ACYP1: variants seen among roughly 807,000 people sequenced by gnomAD.
ACYP1 encodes acylphosphatase-1.
In ACYP1, 8 loss-of-function variants were observed where a neutral mutation model predicts 10.4. The ratio of observed to expected loss-of-function variants is 0.77; its 90% confidence interval spans 0.45 to 1.38. ACYP1 has a LOEUF of 1.38. Ranked by LOEUF, ACYP1 falls within the 40% of genes most tolerant of loss-of-function variation. The probability of loss-of-function intolerance (pLI) is 0.00; values close to 1 mark genes in which losing one functional copy is unlikely to be tolerated. For missense variants in ACYP1, 93 were observed against 117.3 expected (o/e 0.79, Z 0.96); for synonymous variants, 38 against 40.8 (o/e 0.93, Z 0.26).
At chr14:75,054,732 T>G (rs1414939887) in intron 2 of ACYP1, among the ~76,000 whole-genome samples, 2 of 151,510 alleles carry the variant, frequency 1.3e-5, no homozygotes, top group Non-Finnish European at 2.9e-5. Context: ...GTTTGCTTAA[T>G]GAACAAAACA....
At position 75,063,476 on chromosome 14, in the gene ACYP1, A is replaced by G; in HGVS notation, c.78T>C (p.His26=). The G allele has an allele frequency of 6.2e-7, 1 of 1,613,638 alleles. No homozygotes were observed. Among genetic ancestry groups the G allele is most frequent in the Non-Finnish European group, 8.5e-7 (1 of 1,179,706 alleles). The change falls in exon 2 of 3, where the codon CAT becomes CAC. Residue 26 remains histidine, a synonymous_variant. Coordinates refer to ENST00000238618, the MANE Select transcript of ACYP1 (RefSeq NM_001107.5). The stretch of plus-strand genomic sequence containing the variant: ...AAGCCTGCAGGCCACATACCTGAGT[A>G]TGCTTACGGAAAAACACCCCTTGCA... The part of the protein sequence containing the change: ...GKVQGVFFRK[H]TQAEGKKLGL...
chr14:75,061,311 C>A (rs1893010470), intron 2 of ACYP1, among the ~76,000 whole-genome samples: 1 of 152,072 alleles, frequency 6.6e-6, no homozygotes. Context: ...AAATTATATT[C>A]CAAGTTTTCA....
At chr14:75,060,728 A>G (rs1481781404) in intron 2 of ACYP1, among the ~76,000 whole-genome samples, 1 of 152,222 alleles carries the variant, frequency 6.6e-6, no homozygotes, top group African/African-American at 2.4e-5. Context: ...GAAAGGAGCC[A>G]GTCACAAAAA....
At chr14:75,054,106 A>C (rs1892816656) in intron 2 of ACYP1, among the ~76,000 whole-genome samples, 1 of 152,214 alleles carries the variant, frequency 6.6e-6, no homozygotes, top group African/African-American at 2.4e-5. Context: ...ACCACACGTA[A>C]ACAAATCCAG....
chr14:75,053,372 C>T lies in ACYP1; in HGVS notation c.*72G>A, dbSNP rs370058843. The T allele has an allele frequency of 3.0e-6, 4 of 1,347,834 alleles. No individual in the cohort carries two copies. Among genetic ancestry groups the T allele is most frequent in the Admixed American group, 1.7e-5 (1 of 58,274 alleles). The allele number at this position is 1,347,834 out of a possible 1,614,324, so 83.5% of individuals were successfully genotyped here. ...ATTGACTAATGCTAATATTAACACA[C>T]AATAGTTCTATCTCTATTAATAATA... On this transcript the variant is annotated 3_prime_UTR_variant, in exon 3 of 3. Transcript: ENST00000238618.
Position 75,053,499 on chromosome 14 carries a change from T to C in ACYP1, c.245A>G (p.Asn82Ser). Residue 82 changes from asparagine (N) to serine (S), a missense_variant, in exon 3 of 3, where the codon AAC becomes AGC. Coordinates refer to ENST00000238618, the MANE Select transcript of ACYP1 (RefSeq NM_001107.5). ...CAACTTCAAGATGACTTTTTCATTG[T>C]TGAAGTTTGCTTTGTCGATGTGTGA... Reference protein sequence around the residue: ...PKSHIDKANFNNEKVILKLDY... With the variant: ...PKSHIDKANFSNEKVILKLDY... The C allele has an allele frequency of 6.2e-7, 1 of 1,614,254 alleles. No homozygotes were observed. The highest frequency in any genetic ancestry group is 8.5e-7 in the Non-Finnish European group (1 of 1,180,044).
upstream of ACYP1, among the ~76,000 whole-genome samples, chr14:75,065,517 T>C: frequency 6.6e-6 from 1 of 152,314 alleles, no homozygotes; most frequent in East Asian, 1.9e-4. Flanking sequence ...CTAAAATTCA[T>C]TTAAAAAATA....
chr14:75,067,837 A>G (rs1893173946), upstream of ACYP1, among the ~76,000 whole-genome samples: 1 of 151,698 alleles, frequency 6.6e-6, no homozygotes, highest in Non-Finnish European at 1.5e-5. Flanking sequence ...CTACAGAAAA[A>G]AAAAAAAGAA....
chr14:75,053,815 T>C (rs1892809249), intron 2 of ACYP1, among the ~76,000 whole-genome samples, 156 bp from the exon 3 acceptor site: 1 of 152,218 alleles, frequency 6.6e-6, no homozygotes, highest in African/African-American at 2.4e-5. Flanking sequence ...AAGGATCTCA[T>C]TGCTTATCTT....
chr14:75,056,873 T>G (rs1300124372), intron 2 of ACYP1, among the ~76,000 whole-genome samples: 1 of 151,584 alleles, frequency 6.6e-6, no homozygotes, highest in African/African-American at 2.4e-5. Context: ...TTCCTCAACC[T>G]GATAAAGGGA....
intron 2 of ACYP1, among the ~76,000 whole-genome samples, chr14:75,056,096 C>A (rs1198091030): frequency 6.6e-6 from 1 of 151,166 alleles, no homozygotes; most frequent in African/African-American, 2.5e-5. Context: ...TCTGAATAGA[C>A]CTATACCAAG....
chr14:75,057,624 T>C (rs1408000096), intron 2 of ACYP1, among the ~76,000 whole-genome samples: 1 of 151,296 alleles, frequency 6.6e-6, no homozygotes, highest in Non-Finnish European at 1.5e-5. Context: ...ACTGAGACAG[T>C]GTGGTACTGG....
intron 2 of ACYP1, among the ~76,000 whole-genome samples, 180 bp from the exon 3 acceptor site, chr14:75,053,839 G>A (rs968999118): frequency 3.3e-5 from 5 of 152,160 alleles, no homozygotes; most frequent in African/African-American, 1.2e-4. Context: ...ATGAAGTATT[G>A]GCCACTTGAC....
At position 75,063,526 on chromosome 14, in the gene ACYP1, C is replaced by T; in HGVS notation, c.28G>A (p.Val10Met). 1 of 1,613,854 alleles carries T rather than the reference C, an allele frequency of 6.2e-7. No individual in the cohort carries two copies. MAEGNTLIS[V>M]DYEIFGKVQG... ...ACCTTCCCAAAAATTTCATAATCCA[C>T]TGATATCAGGGTGTTTCCTTCTGCC... The change falls in exon 2 of 3, where the codon GTG (valine) becomes ATG (methionine). Residue 10 changes from valine (V) to methionine (M), a missense_variant. Val to Met is a conservative substitution (Grantham distance 21). Transcript: ENST00000238618.
upstream of ACYP1, among the ~76,000 whole-genome samples, chr14:75,066,728 T>G (rs539338072): frequency 8.5e-5 from 13 of 152,288 alleles, no homozygotes; most frequent in African/African-American, 3.1e-4. Flanking sequence ...GGTGCACACC[T>G]GTACTTCCAG....
chr14:75,066,383 TGG>T (rs11336181), upstream of ACYP1, among the ~76,000 whole-genome samples: 34 of 151,232 alleles, frequency 2.2e-4, no homozygotes, highest in East Asian at 2.7e-3. Context: ...TTAATAAAGC[TGG>T]GGGGGGGTGG....
exon 1 of ACYP1, chr14:75,069,225 C>T (rs556922012): frequency 2.0e-6 from 3 of 1,504,814 alleles, no homozygotes; most frequent in African/African-American, 2.9e-5. Flanking sequence ...GCCCGCCCAG[C>T]GCAGCCGAGC....
chr14:75,056,637 A>G (rs1892885024), intron 2 of ACYP1, among the ~76,000 whole-genome samples: 1 of 151,450 alleles, frequency 6.6e-6, no homozygotes, highest in South Asian at 2.1e-4. Context: ...CATCAGCAAA[A>G]TACTAGCAAA....
At position 75,062,121 on chromosome 14, in the gene ACYP1, A is replaced by G. The variant is rs945238319; in HGVS notation, c.84+1349T>C. ...TGTCTCAAAAAAAAAAAAAAAAAAAAAAAGAAAAGAAAAGAAAAAGAGGTA... is the reference window on the plus strand; with the variant it reads ...TGTCTCAAAAAAAAAAAAAAAAAAAGAAAGAAAAGAAAAGAAAAAGAGGTA... On this transcript the variant is annotated intron_variant, in intron 2 of 2. Coordinates refer to ENST00000238618, the MANE Select transcript of ACYP1 (RefSeq NM_001107.5). Among the ~76,000 whole-genome samples, 72 of 147,182 alleles carry G rather than the reference A, an allele frequency of 4.9e-4. 2 individuals carry two copies. Among genetic ancestry groups the G allele is most frequent in the Non-Finnish European group, 2.1e-4 (14 of 66,828 alleles).
Sources: gnomAD v4.1 joint callset for allele counts (sites outside exome capture counted in the v4.1 genomes callset) on GRCh38, gnomAD v4.1.1 for gene constraint, MANE v1.5 for transcripts, NCBI Gene and HGNC (gene_info 2026-07-23, HGNC 2026-07-21) for gene names.